The following PGR variants were observed in gnomAD, a reference collection of about 807,000 sequenced individuals.
The protein encoded by PGR is nuclear receptor subfamily 3 group C member 3.
A neutral mutation model predicts 76.1 loss-of-function variants in PGR; 25 were observed. The observed-to-expected ratio is 0.33, with a 90% confidence interval of 0.24 to 0.46. The LOEUF (loss-of-function observed/expected upper bound fraction) is 0.46. Among genes scored for constraint, PGR ranks in the 20% least tolerant of loss-of-function variants. The pLI is 1.00. For synonymous variants in PGR, 579 were observed against 535.0 expected (o/e 1.08, Z -1.14); for missense variants, 1,172 against 1,225.3 (o/e 0.96, Z 0.65).
intron 6 of PGR, among the ~76,000 whole-genome samples, chr11:101,046,968 A>G (rs1237409426): frequency 6.6e-6 from 1 of 152,294 alleles, no homozygotes; most frequent in African/African-American, 2.4e-5. Context: ...ATGGATTTTC[A>G]GTAGGTTTGT....
Position 101,127,876 on chromosome 11 carries a change from G to T in PGR, c.1195C>A (p.Arg399Ser), listed in dbSNP as rs778889652. The stretch of plus-strand genomic sequence containing the variant: ...GCCACAAGGTAGGAACGCGGGGAGC[G>T]CGCGGAGGCCTCCGCGCCTTCCTCC... ...EEEEGAEASA[R>S]SPRSYLVAGA... The change falls in exon 1 of 8, where the codon CGC (arginine) becomes AGC (serine). Residue 399 changes from arginine to serine, a missense_variant. Coordinates refer to ENST00000325455, the MANE Select transcript of PGR (RefSeq NM_000926.4). 1.2e-6 allele frequency: 2 copies of T among 1,602,872 alleles called. No homozygotes were observed. The highest frequency in any genetic ancestry group is 1.7e-6 in the Non-Finnish European group (2 of 1,178,046).
intron 3 of PGR, among the ~76,000 whole-genome samples, chr11:101,064,827 A>T (rs1435480968): frequency 7.9e-5 from 12 of 152,192 alleles, no homozygotes. Context: ...CCACATATAC[A>T]ACAGTGTTTT....
intron 3 of PGR, among the ~76,000 whole-genome samples, chr11:101,085,525 T>TAACAAAAAAAAAAAAAAAA (rs1861464686): frequency 2.4e-5 from 1 of 42,276 alleles, no homozygotes; most frequent in Non-Finnish European, 3.9e-5. Flanking sequence ...CTAGAGGAAC[T>TAACAAAAAAAAAAAAAAAA]AAAAAAAAAA....
chr11:101,049,831 G>T, intron 6 of PGR, 98 bp downstream of exon 6: 1 of 918,440 alleles, frequency 1.1e-6, no homozygotes, highest in Non-Finnish European at 1.7e-6. Flanking sequence ...AATCCAAGAC[G>T]TCTACCTCAT....
At chr11:101,107,996 G>A (rs1461753984) in intron 2 of PGR, among the ~76,000 whole-genome samples, 1 of 151,992 alleles carries the variant, frequency 6.6e-6, no homozygotes, top group Non-Finnish European at 1.5e-5. Context: ...GCTCACGCCT[G>A]TAATCCCAGC....
At chr11:101,095,848 GA>G (rs1476398962) in intron 2 of PGR, among the ~76,000 whole-genome samples, 1 of 152,090 alleles carries the variant, frequency 6.6e-6, no homozygotes, top group Non-Finnish European at 1.5e-5. Flanking sequence ...TGTGGTCCAA[GA>G]AGTCTATATC....
chr11:101,085,106 T>A (rs181637409), intron 3 of PGR, among the ~76,000 whole-genome samples: 1 of 152,282 alleles, frequency 6.6e-6, no homozygotes, highest in East Asian at 1.9e-4. Flanking sequence ...ATCTACAGAA[T>A]AATCCACCCA....
intron 3 of PGR, among the ~76,000 whole-genome samples, chr11:101,087,133 C>T (rs1354836814): frequency 6.6e-6 from 1 of 151,984 alleles, no homozygotes; most frequent in Non-Finnish European, 1.5e-5. Flanking sequence ...TACAGCAGTC[C>T]TAAACAAAAA....
At chr11:101,126,497 T>C (rs770436680) in intron 1 of PGR, among the ~76,000 whole-genome samples, 2 of 152,218 alleles carry the variant, frequency 1.3e-5, no homozygotes, top group South Asian at 2.1e-4. Flanking sequence ...TGAAATGTTA[T>C]GTCCTTCCTG....
chr11:101,061,497 A>T (rs535534126), intron 4 of PGR, among the ~76,000 whole-genome samples: 26 of 152,308 alleles, frequency 1.7e-4, no homozygotes, highest in Non-Finnish European at 3.5e-4. Context: ...ACTGAGAATT[A>T]TATTAAGGAG....
At chr11:101,074,963 GA>G (rs1267200274) in intron 3 of PGR, among the ~76,000 whole-genome samples, 1 of 152,034 alleles carries the variant, frequency 6.6e-6, no homozygotes, top group Non-Finnish European at 1.5e-5. Context: ...CATAGAATTA[GA>G]AAAAACTACT....
intron 3 of PGR, among the ~76,000 whole-genome samples, chr11:101,090,161 G>T (rs946889315): frequency 2.6e-5 from 4 of 151,988 alleles, no homozygotes; most frequent in African/African-American, 9.7e-5. Context: ...TTGCACCATT[G>T]CACTCCAGCC....
chr11:101,112,816 TAATG>T (rs1862382771), intron 2 of PGR, among the ~76,000 whole-genome samples: 2 of 152,208 alleles, frequency 1.3e-5, no homozygotes, highest in African/African-American at 4.8e-5. Context: ...AGACACTAGA[TAATG>T]AATAAGAGGT....
intron 2 of PGR, among the ~76,000 whole-genome samples, chr11:101,093,312 A>ATG (rs1861732575): frequency 6.9e-6 from 1 of 145,772 alleles, no homozygotes; most frequent in East Asian, 2.0e-4. Flanking sequence ...TTTGACTCTA[A>ATG]TTTTTTTTTT....
At chr11:101,117,677 C>G (rs1419963064) in intron 2 of PGR, among the ~76,000 whole-genome samples, 1 of 148,608 alleles carries the variant, frequency 6.7e-6, no homozygotes, top group Non-Finnish European at 1.5e-5. Flanking sequence ...CGCCAGGAGT[C>G]ACAATATTAT....
intron 2 of PGR, among the ~76,000 whole-genome samples, chr11:101,101,583 ACTC>A (rs1002743118): frequency 2.0e-4 from 30 of 152,212 alleles, no homozygotes; most frequent in African/African-American, 7.0e-4. Context: ...CAATTAAAAT[ACTC>A]CTCCATTTTC....
At chr11:101,118,232 G>T (rs572412178) in intron 2 of PGR, among the ~76,000 whole-genome samples, 19 of 152,346 alleles carry the variant, frequency 1.2e-4, no homozygotes, top group African/African-American at 4.6e-4. Flanking sequence ...GAGAAAAATA[G>T]AACCTGTCTC....
Position 101,033,103 on chromosome 11 carries a change from A to G in PGR, c.*6013T>C, listed in dbSNP as rs930959308. The G allele has an allele frequency of 1.5e-5, 3 of 205,326 alleles. No individual in the cohort carries two copies. The highest frequency in any genetic ancestry group is 6.8e-5 in the African/African-American group (3 of 43,826). The allele number at this position is 205,326 out of a possible 1,614,324, so 12.7% of individuals were successfully genotyped here. A position where few individuals can be genotyped will look rare whatever the true frequency, so the allele number is the denominator to read the frequency against. ...AACCCTTTGTGCTGATTTTTCTTAT[A>G]AACATGCACAACTCAGAAAAGTTAA... On this transcript the variant is annotated 3_prime_UTR_variant, in exon 8 of 8. Coordinates refer to ENST00000325455, the MANE Select transcript of PGR (RefSeq NM_000926.4).
chr11:101,122,754 C>A (rs1862718214), intron 2 of PGR, among the ~76,000 whole-genome samples: 1 of 152,142 alleles, frequency 6.6e-6, no homozygotes, highest in East Asian at 1.9e-4. Context: ...CCAGGGAAAC[C>A]CAGTCATCCA....
Sources: allele counts gnomAD v4.1 joint callset (sites outside exome capture counted in the v4.1 genomes callset), GRCh38; gene constraint gnomAD v4.1.1; transcripts MANE v1.5; gene names NCBI Gene and HGNC (gene_info 2026-07-23, HGNC 2026-07-21).